Variants in STAC observed in about 807,000 individuals in gnomAD.
STAC encodes the protein SH3 and cysteine rich domain.
A neutral mutation model predicts 48.8 loss-of-function variants in STAC; 43 were observed. That is an observed-to-expected ratio of 0.88 (90% confidence interval 0.69 to 1.14). The LOEUF (loss-of-function observed/expected upper bound fraction) is 1.14, where lower values mean the gene tolerates loss of function less well. Among genes scored for constraint, STAC ranks in the 50% most tolerant of loss-of-function variants. The pLI is 0.00. For missense variants in STAC, 497 were observed against 504.0 expected, an observed-to-expected ratio of 0.99 and a Z score of 0.13; for synonymous variants, 193 against 179.5, an observed-to-expected ratio of 1.07 and a Z score of -0.60.
intron 10 of STAC, among the ~76,000 whole-genome samples, chr3:36,541,518 C>T (rs1413909480): frequency 6.6e-6 from 1 of 152,214 alleles, no homozygotes; most frequent in East Asian, 1.9e-4. Context: ...GCTCAGTTTC[C>T]ACAAAATTCA....
At chr3:36,389,591 G>A (rs1409045904) in intron 1 of STAC, among the ~76,000 whole-genome samples, 7 of 151,992 alleles carry the variant, frequency 4.6e-5, no homozygotes, top group Admixed American at 4.6e-4. Flanking sequence ...TTTTTAACTG[G>A]TGATAGCTGG....
At chr3:36,544,322 A>G (rs1176245860) in intron 10 of STAC, among the ~76,000 whole-genome samples, 1 of 152,036 alleles carries the variant, frequency 6.6e-6, no homozygotes, top group Non-Finnish European at 1.5e-5. Flanking sequence ...GGCATGCACC[A>G]TCACACCCAG....
At chr3:36,404,512 A>G (rs1700054487) in intron 1 of STAC, among the ~76,000 whole-genome samples, 1 of 152,224 alleles carries the variant, frequency 6.6e-6, no homozygotes, top group South Asian at 2.1e-4. Flanking sequence ...GCTCATGTAT[A>G]TAAATACTCA....
Position 36,526,229 on chromosome 3 carries a change from A to C in STAC, c.921-2467A>C, listed in dbSNP as rs189558001. On this transcript the variant is annotated intron_variant, in intron 8 of 10. Coordinates refer to ENST00000273183, the MANE Select transcript of STAC (RefSeq NM_003149.3). ...TGAGAGTCTGCAGTGGATTGATTGC[A>C]TTAATGGCCCTAATTATTCACCCCC... is the stretch of plus-strand genomic sequence containing the variant. 3.3e-5 allele frequency among the ~76,000 whole-genome samples: 5 copies of C among 152,266 alleles called. No homozygotes were observed. The East Asian group carries it at 7.7e-4, about 24-fold the overall frequency.
chr3:36,443,862 A>C lies in STAC; in HGVS notation c.388+222A>C, dbSNP rs893319212. On this transcript the variant is annotated intron_variant, in intron 2 of 10. Transcript: ENST00000273183. The surrounding 1 kb of genome is among the most constrained non-coding windows in gnomAD (Gnocchi z 4.2). ...GGGTTGTGATATAGTTGTAATCAGG[A>C]CTTCAGCTGATCCCCTGTAGATCCC... is the stretch of plus-strand genomic sequence containing the variant. Among the ~76,000 whole-genome samples the C allele has an allele frequency of 6.6e-6, 1 of 152,160 alleles. No individual in the cohort carries two copies. The highest frequency in any genetic ancestry group is 1.5e-5 in the Non-Finnish European group (1 of 68,022).
At chr3:36,486,020 G>C in intron 4 of STAC, 114 bp from the exon 5 acceptor site, 4 of 734,414 alleles carry the variant, frequency 5.4e-6, no homozygotes, top group Non-Finnish European at 9.2e-6. Flanking sequence ...CAGAGGCTAA[G>C]TTCCTCTGCA....
intron 2 of STAC, among the ~76,000 whole-genome samples, chr3:36,460,267 C>T (rs1696972252): frequency 6.6e-6 from 1 of 151,984 alleles, no homozygotes; most frequent in Non-Finnish European, 1.5e-5. Flanking sequence ...TAGCTGAAAA[C>T]AACTTTTGCT....
In STAC at chr3:36,454,875, CA is replaced by C. The variant is rs577384921; in HGVS notation, c.388+11238del. 7.2e-5 allele frequency among the ~76,000 whole-genome samples: 11 copies of C among 152,306 alleles called. No individual in the cohort carries two copies. The South Asian group carries it at 2.1e-3, about 29-fold the overall frequency. ...GCCAAAGGAAAGAGGCTGTCTCTCT[CA>C]AATTACAGCTCATGATGTTTGCAAG... On this transcript the variant is annotated intron_variant, in intron 2 of 10. Transcript: ENST00000273183.
chr3:36,537,333 T>C (rs1699221704), intron 10 of STAC, among the ~76,000 whole-genome samples: 1 of 152,082 alleles, frequency 6.6e-6, no homozygotes. Flanking sequence ...GAAAATATGG[T>C]ACACATACAC....
At chr3:36,441,129 AACT>A (rs1382027983) in intron 1 of STAC, among the ~76,000 whole-genome samples, 11 of 152,138 alleles carry the variant, frequency 7.2e-5, no homozygotes, top group African/African-American at 2.7e-4. Flanking sequence ...AGCTATTTGA[AACT>A]ATATAATGTA....
intron 5 of STAC, among the ~76,000 whole-genome samples, chr3:36,490,065 TA>T (rs1175093795): frequency 6.6e-6 from 1 of 152,196 alleles, no homozygotes; most frequent in African/African-American, 2.4e-5. Context: ...ATTACTGAGT[TA>T]AATTAAAAAC....
At chr3:36,448,911 C>CT (rs1696601239) in intron 2 of STAC, among the ~76,000 whole-genome samples, 2 of 140,970 alleles carry the variant, frequency 1.4e-5, no homozygotes, top group Non-Finnish European at 3.1e-5. Context: ...ACCCCCCCCC[C>CT]CACTCCCGAC....
At chr3:36,534,223 A>G (rs572466058) in intron 10 of STAC, among the ~76,000 whole-genome samples, 8 of 152,198 alleles carry the variant, frequency 5.3e-5, no homozygotes, top group Non-Finnish European at 1.0e-4. Context: ...TCTCATCAGC[A>G]TAGTAGCATC....
Position 36,499,922 on chromosome 3 carries a change from C to G in STAC, c.767-4471C>G, listed in dbSNP as rs555530495. On this transcript the variant is annotated intron_variant, in intron 6 of 10. Coordinates refer to ENST00000273183, the MANE Select transcript of STAC (RefSeq NM_003149.3). ...AAAATTGACTTTAAGACCAAGAAAGCATTACTAGAATTTAAAAGTGTTATT... is the reference window on the plus strand; with the variant it reads ...AAAATTGACTTTAAGACCAAGAAAGGATTACTAGAATTTAAAAGTGTTATT... Among the ~76,000 whole-genome samples the G allele has an allele frequency of 1.1e-3, 171 of 151,572 alleles. 2 individuals carry two copies. Among genetic ancestry groups the G allele is most frequent in the African/African-American group, 3.9e-3 (159 of 41,062 alleles).
chr3:36,405,233 C>G lies in STAC; in HGVS notation c.111+24479C>G, dbSNP rs548852258. 3.9e-5 allele frequency among the ~76,000 whole-genome samples: 6 copies of G among 152,278 alleles called. No homozygotes were observed. The South Asian group carries it at 1.2e-3, about 32-fold the overall frequency. On this transcript the variant is annotated intron_variant, in intron 1 of 10. Coordinates refer to ENST00000273183, the MANE Select transcript of STAC (RefSeq NM_003149.3). The stretch of plus-strand genomic sequence containing the variant: ...ACCCCTCAGCCACCAATTCTCTCTT[C>G]AGCTTTATCTCCATTCCTACCTGAG...
intron 1 of STAC, among the ~76,000 whole-genome samples, chr3:36,429,936 G>A (rs190797955): frequency 1.3e-5 from 2 of 152,336 alleles, no homozygotes; most frequent in Non-Finnish European, 2.9e-5. Flanking sequence ...GTCTTGGAGA[G>A]GAGAGATGAA....
At chr3:36,451,450 T>C (rs1696677695) in intron 2 of STAC, among the ~76,000 whole-genome samples, 1 of 149,074 alleles carries the variant, frequency 6.7e-6, no homozygotes, top group African/African-American at 2.5e-5. Flanking sequence ...TATTTCAGTG[T>C]TTTATAATTC....
rs377600849 is a variant in STAC at position 36,546,508 on chromosome 3, G to C, written c.*219G>C. The C allele has an allele frequency of 3.5e-6, 2 of 566,452 alleles. No individual in the cohort carries two copies. Among genetic ancestry groups the C allele is most frequent in the Non-Finnish European group, 6.3e-6 (2 of 318,222 alleles). 35.1% of individuals were successfully genotyped at this position (566,452 alleles called of 1,614,324 possible). On this transcript the variant is annotated 3_prime_UTR_variant, in exon 11 of 11. Coordinates refer to ENST00000273183, the MANE Select transcript of STAC (RefSeq NM_003149.3). ...GCCACAGGTGGGGACGAGGCTGAGA[G>C]AGTCAGCAGGCAGAGCCAGATGCCA...
chr3:36,485,043 G>A lies in STAC; in HGVS notation c.556G>A (p.Glu186Lys). 6.2e-7 allele frequency: 1 copy of A among 1,605,670 alleles called. No homozygotes were observed. The highest frequency in any genetic ancestry group is 8.5e-7 in the Non-Finnish European group (1 of 1,176,266). The change falls in exon 4 of 11, where the codon GAA (glutamate) becomes AAA (lysine). Residue 186 changes from glutamate to lysine, a missense_variant. Transcript: ENST00000273183. ...LIHEQFGCIK[E>K]VMPIACGNKV... ...TCATGAACAGTTTGGCTGCATTAAA[G>A]AAGTTATGCCCATTGGTGAGTTGGG...
Sources: gnomAD v4.1 joint callset for allele counts (sites outside exome capture counted in the v4.1 genomes callset) on GRCh38, gnomAD v4.1.1 for gene constraint, Gnocchi (gnomAD v3.1) non-coding constraint, MANE v1.5 for transcripts, NCBI Gene and HGNC (gene_info 2026-07-23, HGNC 2026-07-21) for gene names.